The following DNMT3A variants were observed in gnomAD, a reference collection of about 807,000 sequenced individuals.
DNMT3A encodes DNA (cytosine-5)-methyltransferase 3A.
A neutral mutation model predicts 117.6 loss-of-function variants in DNMT3A; 267 were observed. The ratio of observed to expected loss-of-function variants is 2.27; its 90% CI spans 2.05 to 2.51. The LOEUF is 2.51. Ranked by LOEUF, DNMT3A falls within the 30% of genes most tolerant of loss-of-function variation. DNMT3A has a pLI of 0.00. For missense variants in DNMT3A, 1,029 were observed against 1,260.2 expected (o/e 0.82, Z 2.78); for synonymous variants, 432 against 474.8 (o/e 0.91, Z 1.17).
chr2:25,277,467 G>A (rs1418537175), intron 4 of DNMT3A, among the ~76,000 whole-genome samples: 2 of 152,122 alleles, frequency 1.3e-5, no homozygotes, highest in Non-Finnish European at 1.5e-5. Context: ...GGACCCTGAC[G>A]CGGCGGGGCT....
chr2:25,246,719 CA>C lies in DNMT3A; in HGVS notation c.1179del (p.Ser393ArgfsTer14), dbSNP rs1224468033. On this transcript the variant is annotated frameshift_variant, in exon 10 of 23. Transcript: ENST00000321117. LOFTEE classifies it high-confidence loss of function. The stretch of plus-strand genomic sequence containing the variant: ...TGCACCTCCACGGCCTTGGCAGTGT[CA>C]CTCTCATCGCTGTCGTGGCACACCG... ...LFPVCHDSDE[S>X]DTAKAVEVQN... is the part of the protein sequence containing the mutation. 2 of 1,613,910 alleles carry C rather than the reference CA, an allele frequency of 1.2e-6. No homozygotes were observed. The highest frequency in any genetic ancestry group is 1.7e-6 in the Non-Finnish European group (2 of 1,180,026).
At chr2:25,309,858 G>T (rs868065930) in intron 2 of DNMT3A, among the ~76,000 whole-genome samples, 1 of 151,960 alleles carries the variant, frequency 6.6e-6, no homozygotes, top group African/African-American at 2.4e-5. Flanking sequence ...TCGAGACCAT[G>T]CTGGCTAACA....
At chr2:25,264,132 G>GTTTTTTTTTTTGTTTTTT (rs2029961237) in intron 6 of DNMT3A, among the ~76,000 whole-genome samples, 1 of 73,740 alleles carries the variant, frequency 1.4e-5, no homozygotes, top group African/African-American at 5.5e-5. Context: ...CAACCCTTTG[G>GTTTTTTTTTTTGTTTTTT]TTTTTTTTTT....
Position 25,234,330 on chromosome 2 carries a change from T to C in DNMT3A, c.2688A>G (p.Pro896=), listed in dbSNP as rs181757577. 5.5e-4 allele frequency: 883 copies of C among 1,614,148 alleles called. 10 individuals carry two copies. In the Admixed American group the frequency reaches 0.014, roughly 25 times the overall value. The stretch of plus-strand genomic sequence containing the variant: ...GCGGAGCGAAGAGGTGGCGGATGAC[T>C]GGCACGCTCCATGACCGGCCCAGCA... ...QRLLGRSWSV[P]VIRHLFAPLK... is the part of the protein sequence containing the mutation. Residue 896 remains proline (P), a synonymous_variant, in exon 23 of 23, where the codon CCA becomes CCG. Transcript: ENST00000321117. The surrounding 1 kb of genome is among the most constrained non-coding windows in gnomAD (Gnocchi z 4.5).
chr2:25,310,110 C>G (rs941977962), intron 2 of DNMT3A, among the ~76,000 whole-genome samples: 1 of 152,114 alleles, frequency 6.6e-6, no homozygotes, highest in East Asian at 1.9e-4. Context: ...CGGCAGTCGG[C>G]GTTCAATGCA....
intron 1 of DNMT3A, among the ~76,000 whole-genome samples, chr2:25,325,528 C>A (rs73920673): frequency 0.018 from 2,706 of 152,292 alleles, 71 homozygotes; most frequent in African/African-American, 0.061. Context: ...TAGTCCCCTG[C>A]GCGTGGCCCT....
rs1457527932 is a variant in DNMT3A, at chr2:25,237,166, C to G, written c.2409-161G>C. Among the ~76,000 whole-genome samples the G allele has an allele frequency of 2.6e-5, 4 of 152,192 alleles. No individual in the cohort carries two copies. ...ACGTCATAACTCTCTTCAAACTCCCCGCAAACACACGAACACACACTGCAG... is the reference window on the plus strand; with the variant it reads ...ACGTCATAACTCTCTTCAAACTCCCGGCAAACACACGAACACACACTGCAG... On this transcript the variant is annotated intron_variant, in intron 20 of 22. Coordinates refer to ENST00000321117, the MANE Select transcript of DNMT3A (RefSeq NM_022552.5). This position sits in a 1 kb window ranked among gnomAD's most constrained non-coding sequence, Gnocchi z 5.4.
In DNMT3A at chr2:25,252,149, G is replaced by A. The variant is rs774056282; in HGVS notation, c.640-3897C>T. 2 of 1,548,532 alleles carry A rather than the reference G, an allele frequency of 1.3e-6. No homozygotes were observed. The highest frequency in any genetic ancestry group is 1.2e-5 in the South Asian group (1 of 83,390). On this transcript the variant is annotated intron_variant, in intron 6 of 22. Transcript: ENST00000321117. This position sits in a 1 kb window ranked among gnomAD's most constrained non-coding sequence, Gnocchi z 5.5. ...CGGAGATCCTCCCACCGGCCCTGCC[G>A]CCTCCCCGCCCCCGGTCTCCCCGGG...
At chr2:25,295,476 G>A (rs191325245) in intron 3 of DNMT3A, among the ~76,000 whole-genome samples, 167 of 152,352 alleles carry the variant, frequency 1.1e-3, no homozygotes, top group Middle Eastern at 3.4e-3. Context: ...TGCAGCCTTC[G>A]GCACTTACAC....
intron 4 of DNMT3A, among the ~76,000 whole-genome samples, chr2:25,280,909 G>A (rs575154205): frequency 1.3e-5 from 2 of 152,300 alleles, no homozygotes; most frequent in African/African-American, 4.8e-5. Context: ...AGGGCAGGAA[G>A]GAATGCCGTG....
In DNMT3A at chr2:25,235,629, A is replaced by G. The variant is rs115238942; in HGVS notation, c.2597+78T>C. The G allele has an allele frequency of 9.5e-4, 1,093 of 1,152,726 alleles. 10 individuals are homozygous for G. The African/African-American group carries it at 0.016, about 16-fold the overall frequency. 71.4% of individuals were successfully genotyped at this position (1,152,726 alleles called of 1,614,324 possible). A position where few individuals can be genotyped will look rare whatever the true frequency, so the allele number is the denominator to read the frequency against. Reference sequence around the variant, plus strand: ...GTTTGTGGAAAACAAGTCAGGTGGGAAAGGCAGAGGACCCCCGCAGCAAGC... The same window carrying G: ...GTTTGTGGAAAACAAGTCAGGTGGGGAAGGCAGAGGACCCCCGCAGCAAGC... On this transcript the variant is annotated intron_variant, in intron 22 of 22. Coordinates refer to ENST00000321117, the MANE Select transcript of DNMT3A (RefSeq NM_022552.5).
Position 25,262,212 on chromosome 2 carries a change from G to A in DNMT3A, c.639+12729C>T, listed in dbSNP as rs538678834. Among the ~76,000 whole-genome samples, 3 of 139,556 alleles carry A rather than the reference G, an allele frequency of 2.1e-5. No homozygotes were observed. The South Asian group carries it at 6.7e-4, about 31-fold the overall frequency. The allele number at this position is 139,556 out of a possible 152,430, so 91.6% of individuals were successfully genotyped here. ...TCAAAAAAAAAAAAAAAAAAAACCT[G>A]TCCCCATTGACACCAATCTGCTGGC... On this transcript the variant is annotated intron_variant, in intron 6 of 22. Transcript: ENST00000321117.
rs1035481393 is a variant in DNMT3A at position 25,329,459 on chromosome 2, T to C, written c.-178+12367A>G. 4.6e-5 allele frequency among the ~76,000 whole-genome samples: 7 copies of C among 152,154 alleles called. No homozygotes were observed. In the South Asian group the frequency reaches 1.4e-3, roughly 31 times the overall value. On this transcript the variant is annotated intron_variant, in intron 1 of 22. Transcript: ENST00000321117. The stretch of plus-strand genomic sequence containing the variant: ...CTTGATCAGAAAGAAAGGCAAGCCA[T>C]ATGTTCTTAGGAAACCTAGACTCTG...
chr2:25,288,115 C>A (rs979896519), intron 3 of DNMT3A, among the ~76,000 whole-genome samples: 1 of 148,968 alleles, frequency 6.7e-6, no homozygotes, highest in African/African-American at 2.5e-5. Context: ...AGATTACAGG[C>A]ATGAGCCACC....
rs541926198 is a variant in DNMT3A at position 25,241,801 on chromosome 2, G to A, written c.1937-94C>T. ...GCCTGCTGGCCAACAGGACCCATGG[G>A]GTCAGCTGTAGGCCCAAGTCCTATC... is the stretch of plus-strand genomic sequence containing the variant. On this transcript the variant is annotated intron_variant, in intron 16 of 22. Coordinates refer to ENST00000321117, the MANE Select transcript of DNMT3A (RefSeq NM_022552.5). 20 of 1,519,484 alleles carry A rather than the reference G, an allele frequency of 1.3e-5. No individual in the cohort carries two copies. In the African/African-American group the frequency reaches 2.5e-4, roughly 19 times the overall value. 94.1% of individuals were successfully genotyped at this position (1,519,484 alleles called of 1,614,324 possible).
rs569439863 is a variant in DNMT3A at position 25,237,072 on chromosome 2, C to T, written c.2409-67G>A. 15 of 1,513,368 alleles carry T rather than the reference C, an allele frequency of 9.9e-6. No homozygotes were observed. In the African/African-American group the frequency reaches 1.2e-4, roughly 12 times the overall value. The allele number at this position is 1,513,368 out of a possible 1,614,324, so 93.7% of individuals were successfully genotyped here. On this transcript the variant is annotated intron_variant, in intron 20 of 22. Transcript: ENST00000321117. The surrounding 1 kb of genome is among the most constrained non-coding windows in gnomAD (Gnocchi z 5.4). ...AACAGCGGGAAGGGCCCCAGCTGCA[C>T]GACTCCCCTCCCTCCCCCAGCAGCC...
chr2:25,280,659 T>C (rs76240476), intron 4 of DNMT3A, among the ~76,000 whole-genome samples: 1,758 of 152,342 alleles, frequency 0.012, 16 homozygotes, highest in Non-Finnish European at 0.017. Context: ...CTCATTAATG[T>C]CTGTCTCTCC....
chr2:25,300,712 A>ATATAC lies in DNMT3A; in HGVS notation c.73-470_73-469insGTATA, dbSNP rs1491509599. Among the ~76,000 whole-genome samples, 150 of 18,922 alleles carry ATATAC rather than the reference A, an allele frequency of 7.9e-3. 8 individuals carry two copies. Among genetic ancestry groups the ATATAC allele is most frequent in the African/African-American group, 0.023 (132 of 5,816 alleles). The allele number at this position is 18,922 out of a possible 152,430, so 12.4% of individuals were successfully genotyped here. A position where few individuals can be genotyped will look rare whatever the true frequency, so the allele number is the denominator to read the frequency against. On this transcript the variant is annotated intron_variant, in intron 2 of 22. Coordinates refer to ENST00000321117, the MANE Select transcript of DNMT3A (RefSeq NM_022552.5). ...ATATATTTATATATCTAAATAATAT[A>ATATAC]ATATATATATATATATATATATATA...
chr2:25,284,653 A>G (rs2032154872), intron 3 of DNMT3A, among the ~76,000 whole-genome samples: 1 of 117,730 alleles, frequency 8.5e-6, no homozygotes, highest in Non-Finnish European at 1.9e-5. Context: ...TCTAAAAAAA[A>G]AAAAAAAAAA....
Sources: gnomAD v4.1 joint callset for allele counts (sites outside exome capture counted in the v4.1 genomes callset) on GRCh38, gnomAD v4.1.1 for gene constraint, Gnocchi (gnomAD v3.1) non-coding constraint, MANE v1.5 for transcripts, NCBI Gene and HGNC (gene_info 2026-07-23, HGNC 2026-07-21) for gene names.